The following FCHO2 variants were observed in gnomAD, a reference collection of about 807,000 sequenced individuals.
The protein encoded by FCHO2 is F-BAR domain only protein 2.
In FCHO2, 43 loss-of-function variants were observed where a neutral mutation model predicts 114.1. That is an observed-to-expected ratio of 0.38 (90% CI 0.30 to 0.49). The LOEUF is 0.49. FCHO2 is among the 20% of genes least tolerant of loss of function. FCHO2 has a pLI of 0.97. For synonymous variants in FCHO2, 293 were observed against 315.2 expected (o/e 0.93, Z 0.75); for missense variants, 807 against 950.4 (o/e 0.85, Z 1.98).
chr5:73,032,736 C>G (rs1303086361), intron 8 of FCHO2, among the ~76,000 whole-genome samples: 1 of 152,068 alleles, frequency 6.6e-6, no homozygotes, highest in Non-Finnish European at 1.5e-5. Flanking sequence ...AGCGTGTGGC[C>G]TGAGCATTAG....
At chr5:73,063,724 G>A in intron 17 of FCHO2, 117 bp from the exon 18 acceptor site, 1 of 811,886 alleles carries the variant, frequency 1.2e-6, no homozygotes, top group South Asian at 1.6e-5. Context: ...TCTAAAAAAA[G>A]AGCCTCCTGA....
intron 24 of FCHO2, among the ~76,000 whole-genome samples, chr5:73,087,029 C>T (rs1025938751): frequency 5.3e-5 from 8 of 152,134 alleles, no homozygotes; most frequent in Admixed American, 2.6e-4. Context: ...TATTGGTTTA[C>T]TGTTCCTGCC....
At chr5:72,979,280 A>G (rs1317470799) in intron 2 of FCHO2, among the ~76,000 whole-genome samples, 1 of 150,058 alleles carries the variant, frequency 6.7e-6, no homozygotes, top group Non-Finnish European at 1.5e-5. Flanking sequence ...TTACTGCCTC[A>G]ATTTCAGAGC....
At chr5:73,084,990 T>C (rs967144175) in intron 24 of FCHO2, among the ~76,000 whole-genome samples, 1 of 152,208 alleles carries the variant, frequency 6.6e-6, no homozygotes, top group Non-Finnish European at 1.5e-5. Context: ...CAAAAGGATC[T>C]TTTTCCCCAA....
At chr5:73,083,196 T>G (rs1206416456) in intron 24 of FCHO2, among the ~76,000 whole-genome samples, 3 of 152,108 alleles carry the variant, frequency 2.0e-5, no homozygotes, top group African/African-American at 7.2e-5. Flanking sequence ...GGGTGCACCG[T>G]TCCTGGAAGC....
At chr5:73,075,055 G>C (rs1024214562) in intron 20 of FCHO2, among the ~76,000 whole-genome samples, 4 of 152,074 alleles carry the variant, frequency 2.6e-5, no homozygotes, top group African/African-American at 4.8e-5. Context: ...TCAAATACTT[G>C]AGCACCTATT....
intron 8 of FCHO2, among the ~76,000 whole-genome samples, chr5:73,024,400 T>C (rs569548251): frequency 2.0e-5 from 3 of 151,812 alleles, no homozygotes; most frequent in Non-Finnish European, 4.4e-5. Flanking sequence ...TGCAGTGGTT[T>C]GTGACCTGCT....
chr5:73,000,327 C>CAG (rs1754365728), intron 5 of FCHO2, among the ~76,000 whole-genome samples: 1 of 151,880 alleles, frequency 6.6e-6, no homozygotes, highest in African/African-American at 2.4e-5. Flanking sequence ...CAAAATTAGC[C>CAG]GAGTATGGTG....
Position 73,006,491 on chromosome 5 carries a change from T to C in FCHO2, c.542T>C (p.Val181Ala). 1 of 1,578,316 alleles carries C rather than the reference T, an allele frequency of 6.3e-7. No individual in the cohort carries two copies. The highest frequency in any genetic ancestry group is 1.4e-5 in the African/African-American group (1 of 73,374). ...GCTACAGATACCTATAAACTCTATG[T>C]GGAAAAATATGCATTAGCAAAAGCT... ...KKATDTYKLYVEKYALAKADF... is the reference protein window; with the variant it reads ...KKATDTYKLYAEKYALAKADF... Residue 181 changes from valine (V) to alanine (A), a missense_variant, in exon 6 of 26, where the codon GTG becomes GCG. By Grantham distance (64) the Val-to-Ala change is moderately conservative (BLOSUM62 0). Coordinates refer to ENST00000430046, the MANE Select transcript of FCHO2 (RefSeq NM_138782.3).
rs140862736 is a variant in FCHO2, at chr5:73,031,316, G to T, written c.797-3341G>T. Among the ~76,000 whole-genome samples, 38 of 152,270 alleles carry T rather than the reference G, an allele frequency of 2.5e-4. No individual in the cohort carries two copies. The East Asian group carries it at 7.3e-3, about 29-fold the overall frequency. On this transcript the variant is annotated intron_variant, in intron 8 of 25. Transcript: ENST00000430046. ...TTTATTAAACTTTTAGTGTATGTCT[G>T]AGAGTGTTTGTGTTTAGCTCTGATT...
At chr5:72,960,598 T>A (rs1751805220) in intron 1 of FCHO2, among the ~76,000 whole-genome samples, 1 of 152,204 alleles carries the variant, frequency 6.6e-6, no homozygotes, top group Non-Finnish European at 1.5e-5. Context: ...AGTGAGGAAG[T>A]GTCTAAGCCG....
intron 9 of FCHO2, among the ~76,000 whole-genome samples, chr5:73,036,282 ATTGT>A (rs1314214089): frequency 6.6e-6 from 1 of 152,178 alleles, no homozygotes; most frequent in African/African-American, 2.4e-5. Context: ...CATTTATAGC[ATTGT>A]TTGTATTAGG....
At position 73,052,418 on chromosome 5, in the gene FCHO2, A is replaced by C. The variant is rs202229490; in HGVS notation, c.1084A>C (p.Met362Leu). The C allele has an allele frequency of 2.7e-4, 441 of 1,604,128 alleles. 5 individuals are homozygous for C. In the Middle Eastern group the frequency reaches 7.9e-3, roughly 29 times the overall value. ...GAAGTATCGGATAGAAATTAAGCCT[A>C]TGCATCCAAATAACTCACATCACAC... ...PKKYRIEIKPMHPNNSHHTMA... is the reference protein window; with the variant it reads ...PKKYRIEIKPLHPNNSHHTMA... Residue 362 changes from methionine (M) to leucine (L), a missense_variant, in exon 13 of 26, where the codon ATG (methionine) becomes CTG (leucine). Physicochemically the swap from Met to Leu is conservative, Grantham distance 15 (BLOSUM62 2). Transcript: ENST00000430046.
At chr5:73,068,594 C>T in intron 18 of FCHO2, 56 bp from the exon 19 acceptor site, 1 of 1,562,012 alleles carries the variant, frequency 6.4e-7, no homozygotes, top group Non-Finnish European at 8.7e-7. Context: ...TAAAAATCTT[C>T]TCTAACAAGA....
chr5:73,045,745 G>A (rs1437251282), intron 11 of FCHO2, among the ~76,000 whole-genome samples: 3 of 152,118 alleles, frequency 2.0e-5, no homozygotes, highest in Non-Finnish European at 4.4e-5. Context: ...TATTTGAAGT[G>A]AGTTTCTTAT....
chr5:72,984,773 T>C (rs895139755), intron 2 of FCHO2, among the ~76,000 whole-genome samples: 2 of 152,028 alleles, frequency 1.3e-5, no homozygotes, highest in African/African-American at 2.4e-5. Context: ...GCTGGGGCTA[T>C]AGGGATGCAC....
At chr5:73,047,198 A>G (rs1467350458) in intron 11 of FCHO2, among the ~76,000 whole-genome samples, 3 of 152,078 alleles carry the variant, frequency 2.0e-5, no homozygotes, top group Admixed American at 1.3e-4. Context: ...ATTTTTTCTG[A>G]TCCATTTGAG....
chr5:72,969,901 T>C (rs939322929), intron 2 of FCHO2, among the ~76,000 whole-genome samples: 1 of 152,256 alleles, frequency 6.6e-6, no homozygotes, highest in Admixed American at 6.5e-5. Flanking sequence ...TTTGTCTTTT[T>C]GCTCTATTTA....
chr5:72,968,175 C>T (rs767712013), intron 1 of FCHO2, among the ~76,000 whole-genome samples: 6 of 152,148 alleles, frequency 3.9e-5, no homozygotes, highest in South Asian at 2.1e-4. Flanking sequence ...CCGCCCACCT[C>T]GGCCTCCCAA....
Sources: allele counts gnomAD v4.1 joint callset (sites outside exome capture counted in the v4.1 genomes callset), GRCh38; gene constraint gnomAD v4.1.1; transcripts MANE v1.5; gene names NCBI Gene and HGNC (gene_info 2026-07-23, HGNC 2026-07-21).